Variants in PPIL2 observed in about 807,000 individuals in gnomAD.
PPIL2 encodes the protein peptidylprolyl isomerase like 2, also known as RING-type E3 ubiquitin-protein ligase PPIL2.
PPIL2 carries 50 observed loss-of-function variants against 75.2 expected under a neutral mutation model. That is an observed-to-expected ratio of 0.66 (90% confidence interval 0.53 to 0.84). The LOEUF is 0.84. Ranked by LOEUF, PPIL2 falls within the 40% of genes least tolerant of loss-of-function variation. The pLI is 0.00. For missense variants in PPIL2, 590 were observed against 685.0 expected, an observed-to-expected ratio of 0.86 and a Z score of 1.55; for synonymous variants, 245 against 258.8, an observed-to-expected ratio of 0.95 and a Z score of 0.51.
intron 1 of PPIL2, among the ~76,000 whole-genome samples, chr22:21,669,124 T>C (rs1439883234): frequency 3.3e-5 from 5 of 151,540 alleles, no homozygotes; most frequent in East Asian, 2.0e-4. Context: ...GCTGGGATTA[T>C]AGGCGTGAGC....
intron 1 of PPIL2, 109 bp from the exon 2 acceptor site, chr22:21,669,804 G>A (rs1474007361): frequency 1.8e-5 from 21 of 1,182,658 alleles, no homozygotes; most frequent in Non-Finnish European, 2.7e-5. Flanking sequence ...CCGCCCCATA[G>A]TAGGTATTTA....
At chr22:21,687,067 A>C (rs1398723465) in intron 12 of PPIL2, 69 bp downstream of exon 12, 10 of 1,400,596 alleles carry the variant, frequency 7.1e-6, no homozygotes, top group Non-Finnish European at 1.0e-5. Context: ...GCCATGTCTT[A>C]AATATAGGGC....
At chr22:21,686,348 C>T in intron 10 of PPIL2, 135 bp from the exon 11 acceptor site, 2 of 785,388 alleles carry the variant, frequency 2.5e-6, no homozygotes, top group Non-Finnish European at 4.2e-6. Flanking sequence ...GTTGGGGAGG[C>T]CCTCCTGGAG....
At chr22:21,692,059 C>T (rs1487570557) in intron 15 of PPIL2, among the ~76,000 whole-genome samples, 1 of 135,176 alleles carries the variant, frequency 7.4e-6, no homozygotes, top group Admixed American at 7.5e-5. Flanking sequence ...CCCATGTCTT[C>T]CATCGTTTTC....
At chr22:21,667,018 T>TC (rs1164497853) in intron 1 of PPIL2, among the ~76,000 whole-genome samples, 1 of 151,908 alleles carries the variant, frequency 6.6e-6, no homozygotes, top group Non-Finnish European at 1.5e-5. Context: ...CGTTGACCAC[T>TC]CCCTCTTTCT....
At chr22:21,683,583 G>A (rs1311575766) in intron 9 of PPIL2, among the ~76,000 whole-genome samples, 3 of 152,276 alleles carry the variant, frequency 2.0e-5, no homozygotes, top group African/African-American at 7.2e-5. Context: ...CCTTGGAGGA[G>A]CCAGCAGGAC....
At chr22:21,687,066 T>TA in intron 12 of PPIL2, 68 bp downstream of exon 12, 3 of 1,407,712 alleles carry the variant, frequency 2.1e-6, no homozygotes, top group Non-Finnish European at 3.0e-6. Context: ...AGCCATGTCT[T>TA]AAATATAGGG....
intron 12 of PPIL2, 57 bp downstream of exon 12, chr22:21,687,055 C>T: frequency 6.7e-7 from 1 of 1,483,184 alleles, no homozygotes. Context: ...GGTCATCTGA[C>T]AGCCATGTCT....
intron 1 of PPIL2, 107 bp downstream of exon 1, chr22:21,666,238 G>GC: frequency 1.5e-6 from 2 of 1,301,264 alleles, no homozygotes; most frequent in Non-Finnish European, 2.1e-6. Context: ...CCAGAGCACA[G>GC]CCCAAAGGTC....
At chr22:21,695,273 G>A in intron 19 of PPIL2, 121 bp from the exon 20 acceptor site, 1 of 1,331,390 alleles carries the variant, frequency 7.5e-7, no homozygotes. Flanking sequence ...AAATTCAGGG[G>A]GATGTGGGAG....
intron 6 of PPIL2, among the ~76,000 whole-genome samples, chr22:21,679,528 G>T (rs2067015129): frequency 6.6e-6 from 1 of 152,028 alleles, no homozygotes; most frequent in African/African-American, 2.4e-5. Context: ...TTGGAGCTTG[G>T]GAAGTTGAGA....
chr22:21,682,790 C>A (rs2067186134), intron 8 of PPIL2, among the ~76,000 whole-genome samples: 1 of 152,264 alleles, frequency 6.6e-6, no homozygotes, highest in Non-Finnish European at 1.5e-5. Context: ...AAAACACTGA[C>A]TTAGAAAAGC....
intron 6 of PPIL2, among the ~76,000 whole-genome samples, chr22:21,675,655 G>T (rs1362378239): frequency 6.6e-6 from 1 of 152,262 alleles, no homozygotes; most frequent in Non-Finnish European, 1.5e-5. Context: ...GCCATTGTAA[G>T]CTGCTAGTGG....
chr22:21,672,244 TG>T, intron 4 of PPIL2, 85 bp from the exon 5 acceptor site: 1 of 1,222,326 alleles, frequency 8.2e-7, no homozygotes, highest in Non-Finnish European at 1.2e-6. Context: ...GCCTCTAACC[TG>T]GAAGCAGCCC....
At chr22:21,699,156 G>T (rs1174984523), downstream of PPIL2, 1 of 152,512 alleles carries the variant, frequency 6.6e-6, no homozygotes, top group Non-Finnish European at 1.5e-5. Flanking sequence ...TGGACCGCAG[G>T]TCTGGGTTTA....
chr22:21,692,389 T>G (rs861824), intron 15 of PPIL2, among the ~76,000 whole-genome samples: 7 of 150,756 alleles, frequency 4.6e-5, no homozygotes, highest in Non-Finnish European at 1.0e-4. Context: ...CTCCTGACCT[T>G]GTGATCCGCC....
chr22:21,683,286 G>T, intron 9 of PPIL2, 29 bp downstream of exon 9: 1 of 1,574,964 alleles, frequency 6.3e-7, no homozygotes. Flanking sequence ...TGGGCTAGGC[G>T]AGGGGGCTTT....
Position 21,678,523 on chromosome 22 carries a change from GC to G in PPIL2, c.296-2772del, listed in dbSNP as rs531989465. ...TGGGATTACAGGCGTGAGCCACTGC[GC>G]CCCACCTGTTTCTTTGTTAATTGGA... On this transcript the variant is annotated intron_variant, in intron 6 of 19. Coordinates refer to ENST00000398831, the MANE Select transcript of PPIL2 (RefSeq NM_014337.4). Among the ~76,000 whole-genome samples, 367 of 152,026 alleles carry G rather than the reference GC, an allele frequency of 2.4e-3. 2 individuals carry two copies. Among genetic ancestry groups the G allele is most frequent in the Non-Finnish European group, 3.8e-3 (257 of 67,956 alleles).
At chr22:21,670,438 A>T in intron 2 of PPIL2, 128 bp from the exon 3 acceptor site, 1 of 1,473,978 alleles carries the variant, frequency 6.8e-7, no homozygotes, top group Non-Finnish European at 9.3e-7. Context: ...TTTTTAATCC[A>T]CAGCAATTGC....
Sources: allele counts gnomAD v4.1 joint callset (sites outside exome capture counted in the v4.1 genomes callset), GRCh38; gene constraint gnomAD v4.1.1; transcripts MANE v1.5; gene names NCBI Gene and HGNC (gene_info 2026-07-23, HGNC 2026-07-21).